Variants in COL4A2 observed in about 807,000 individuals in gnomAD.
COL4A2 encodes collagen type IV alpha 2 chain.
In COL4A2, 99 loss-of-function variants were observed where a neutral mutation model predicts 200.2. The observed-to-expected ratio is 0.49, with a 90% CI of 0.42 to 0.58. COL4A2 has a LOEUF of 0.58. Ranked by LOEUF, COL4A2 falls within the 20% of genes least tolerant of loss-of-function variation. The pLI, the probability that COL4A2 is intolerant of heterozygous loss-of-function variation, is 0.00. For synonymous variants in COL4A2, 897 were observed against 900.6 expected (o/e 1.00, Z 0.07); for missense variants, 1,950 against 2,314.1 (o/e 0.84, Z 3.23).
At chr13:110,427,274 C>T (rs989849389) in intron 6 of COL4A2, among the ~76,000 whole-genome samples, 20 of 152,078 alleles carry the variant, frequency 1.3e-4, no homozygotes, top group African/African-American at 2.9e-4. Flanking sequence ...CTTATCCTCC[C>T]GAGTAGCTGG....
intron 3 of COL4A2, among the ~76,000 whole-genome samples, chr13:110,315,610 G>A (rs924563246): frequency 1.3e-5 from 2 of 152,112 alleles, no homozygotes; most frequent in Non-Finnish European, 2.9e-5. Context: ...TGGCCAGGCT[G>A]GTTTCAAACT....
chr13:110,475,289 G>A (rs530790892), intron 29 of COL4A2, among the ~76,000 whole-genome samples: 1 of 152,324 alleles, frequency 6.6e-6, no homozygotes, highest in South Asian at 2.1e-4. Context: ...GGCGCTGAGA[G>A]GTGGGGCTCT....
At chr13:110,432,418 T>C in intron 11 of COL4A2, 58 bp downstream of exon 11, 1 of 1,539,628 alleles carries the variant, frequency 6.5e-7, no homozygotes, top group Non-Finnish European at 8.7e-7. Context: ...GTTTGTGGGT[T>C]TGTTTGTTTT....
At chr13:110,482,726 G>A (rs1465350883) in intron 32 of COL4A2, 67 bp downstream of exon 32, 4 of 1,515,354 alleles carry the variant, frequency 2.6e-6, no homozygotes, top group South Asian at 1.2e-5. Context: ...TTTCTTGGTG[G>A]CATAACATTG....
chr13:110,366,834 A>G (rs1469194004), intron 4 of COL4A2, among the ~76,000 whole-genome samples: 2 of 152,252 alleles, frequency 1.3e-5, no homozygotes, highest in African/African-American at 2.4e-5. Context: ...AGTCATTTCA[A>G]AATGTCCTTA....
At chr13:110,485,993 G>A (rs1040653877) in intron 34 of COL4A2, among the ~76,000 whole-genome samples, 157 bp downstream of exon 34, 2 of 152,228 alleles carry the variant, frequency 1.3e-5, no homozygotes, top group African/African-American at 4.8e-5. Context: ...CCTGGAAGGA[G>A]CTGCTGCACT....
intron 4 of COL4A2, among the ~76,000 whole-genome samples, chr13:110,383,972 G>A (rs1878589143): frequency 1.3e-5 from 2 of 152,202 alleles, no homozygotes; most frequent in African/African-American, 4.8e-5. Flanking sequence ...ACTGAGAGGT[G>A]AGCCATTGGC....
chr13:110,321,753 G>A (rs1885284004), intron 3 of COL4A2, among the ~76,000 whole-genome samples: 1 of 152,222 alleles, frequency 6.6e-6, no homozygotes, highest in South Asian at 2.1e-4. Flanking sequence ...AGAAGGCAAG[G>A]AGGAGCAAGT....
chr13:110,423,793 T>C (rs1467985830), intron 4 of COL4A2, among the ~76,000 whole-genome samples: 1 of 152,196 alleles, frequency 6.6e-6, no homozygotes, highest in East Asian at 1.9e-4. Flanking sequence ...TGCTAGGGAC[T>C]GCATATAAGG....
intron 4 of COL4A2, among the ~76,000 whole-genome samples, chr13:110,392,447 A>C (rs1021594799): frequency 3.3e-5 from 5 of 152,090 alleles, no homozygotes; most frequent in Non-Finnish European, 7.4e-5. Flanking sequence ...AGGAGCTGGG[A>C]CCCTCGAGGG....
chr13:110,445,718 A>C, intron 16 of COL4A2, 111 bp from the exon 17 acceptor site: 2 of 1,387,596 alleles, frequency 1.4e-6, no homozygotes, highest in Non-Finnish European at 2.0e-6. Context: ...GGGTTAATAC[A>C]TGACTTTAAT....
At chr13:110,407,793 C>CAGGGGGCAGCAGTGTTGTGAGGACA (rs1879628250) in intron 4 of COL4A2, among the ~76,000 whole-genome samples, 4 of 152,130 alleles carry the variant, frequency 2.6e-5, no homozygotes, top group Non-Finnish European at 5.9e-5. Flanking sequence ...AGTGTGAGGA[C>CAGGGGGCAGCAGTGTTGTGAGGACA]GGGGGACAGC....
At chr13:110,461,003 C>A (rs1263683806) in intron 22 of COL4A2, among the ~76,000 whole-genome samples, 1 of 152,216 alleles carries the variant, frequency 6.6e-6, no homozygotes, top group Non-Finnish European at 1.5e-5. Context: ...TTCCCATATT[C>A]TTGGAAATAG....
intron 28 of COL4A2, among the ~76,000 whole-genome samples, chr13:110,472,369 C>G (rs1882512084): frequency 6.6e-6 from 1 of 152,142 alleles, no homozygotes; most frequent in Non-Finnish European, 1.5e-5. Context: ...CCCGCCTCGG[C>G]CTCCCAAAGT....
chr13:110,508,442 A>T lies in COL4A2; in HGVS notation c.4881+221A>T. ...TTCCTCCACCCAGAAAGGGCTCATT[A>T]ATTTGCCACCAGGCCTTTGTAAGGA... On this transcript the variant is annotated intron_variant, in intron 47 of 47. Coordinates refer to ENST00000360467, the MANE Select transcript of COL4A2 (RefSeq NM_001846.4). This position sits in a 1 kb window ranked among gnomAD's most constrained non-coding sequence, Gnocchi z 6.1. The T allele has an allele frequency of 1.4e-6, 1 of 710,350 alleles. No individual in the cohort carries two copies. The allele number at this position is 710,350 out of a possible 1,614,324, so 44.0% of individuals were successfully genotyped here.
At chr13:110,408,678 C>T (rs908137776) in intron 4 of COL4A2, among the ~76,000 whole-genome samples, 1 of 152,152 alleles carries the variant, frequency 6.6e-6, no homozygotes, top group Admixed American at 6.5e-5. Flanking sequence ...AGAGAGAAAG[C>T]GCCAAACATC....
intron 4 of COL4A2, among the ~76,000 whole-genome samples, chr13:110,396,842 C>T (rs2139427234): frequency 6.6e-6 from 1 of 152,224 alleles, no homozygotes; most frequent in South Asian, 2.1e-4. Flanking sequence ...AAATTTTTGT[C>T]TCCTTTCATT....
Position 110,506,457 on chromosome 13 carries a change from C to T in COL4A2, c.4445C>T (p.Pro1482Leu), listed in dbSNP as rs770926546. 5.0e-6 allele frequency: 8 copies of T among 1,612,610 alleles called. No individual in the cohort carries two copies. ...GGGAGCCCGGGCCTGCCGGGTATGC[C>T]AGGCCGCAGCGTCAGCATCGGCTAC... ...RPGSPGLPGM[P>L]GRSVSIGYLL... Residue 1482 changes from proline to leucine, a missense_variant, in exon 46 of 48, where the codon CCA (proline) becomes CTA (leucine). This residue lies in a region of COL4A2 where 1,385 missense variants were observed against 1,720.5 expected (regional missense o/e 0.80). Coordinates refer to ENST00000360467, the MANE Select transcript of COL4A2 (RefSeq NM_001846.4).
At chr13:110,422,404 C>T (rs187664049) in intron 4 of COL4A2, among the ~76,000 whole-genome samples, 254 of 152,330 alleles carry the variant, frequency 1.7e-3, no homozygotes, top group African/African-American at 5.7e-3. Flanking sequence ...ACCCATCTTC[C>T]ATGAGTCTCC....
Sources: allele counts gnomAD v4.1 joint callset (sites outside exome capture counted in the v4.1 genomes callset), GRCh38; gene constraint gnomAD v4.1.1; regional missense constraint gnomAD v4.1.1; non-coding constraint Gnocchi (gnomAD v3.1); transcripts MANE v1.5; gene names NCBI Gene and HGNC (gene_info 2026-07-23, HGNC 2026-07-21).